Variants in DZIP1 observed in about 807,000 individuals in gnomAD.
DZIP1 encodes the protein DAZ interacting zinc finger protein 1, also known as cilium assembly protein DZIP1.
In DZIP1, 97 loss-of-function variants were observed where a neutral mutation model predicts 107.6. That is an observed-to-expected ratio of 0.90 (90% confidence interval 0.77 to 1.07). DZIP1 has a LOEUF of 1.07. Among genes scored for constraint, DZIP1 ranks in the 50% least tolerant of loss-of-function variants. DZIP1 has a pLI of 0.00. For missense variants in DZIP1, 1,035 were observed against 1,063.6 expected (o/e 0.97, Z 0.37); for synonymous variants, 390 against 386.4 (o/e 1.01, Z -0.11).
intron 15 of DZIP1, among the ~76,000 whole-genome samples, chr13:95,596,440 G>T (rs1191786577): frequency 1.3e-5 from 2 of 152,270 alleles, no homozygotes; most frequent in South Asian, 4.1e-4. Context: ...TTCTGAGTTG[G>T]AAGGGAATTT....
intron 16 of DZIP1, among the ~76,000 whole-genome samples, chr13:95,590,790 G>A (rs1402501642): frequency 6.6e-6 from 1 of 152,226 alleles, no homozygotes; most frequent in Non-Finnish European, 1.5e-5. Flanking sequence ...TGAAGGACAG[G>A]TGGAGTCAAA....
chr13:95,634,312 G>A (rs1268769281), intron 5 of DZIP1, among the ~76,000 whole-genome samples: 1 of 152,202 alleles, frequency 6.6e-6, no homozygotes, highest in Non-Finnish European at 1.5e-5. Context: ...CCTCCTGCCT[G>A]TCACAGTCTC....
chr13:95,643,882 G>A (rs1886854), intron 1 of DZIP1, among the ~76,000 whole-genome samples, 184 bp from the exon 2 acceptor site: 8,968 of 152,300 alleles, frequency 0.059, 411 homozygotes, highest in East Asian at 0.18. Context: ...AAGGGCTTCA[G>A]AGCTGAACGT....
At chr13:95,640,842 G>C (rs1878400741) in intron 5 of DZIP1, among the ~76,000 whole-genome samples, 1 of 152,032 alleles carries the variant, frequency 6.6e-6, no homozygotes, top group Admixed American at 6.5e-5. Flanking sequence ...GGGGAATCTG[G>C]GTGAAGGGCG....
In DZIP1 at chr13:95,641,406, C is replaced by T; in HGVS notation, c.486G>A (p.Leu162=). Residue 162 remains leucine, a synonymous_variant, in exon 5 of 23, where the codon CTG becomes CTA. Transcript: ENST00000376829. This position sits in a 1 kb window ranked among gnomAD's most constrained non-coding sequence, Gnocchi z 4.3. ...SHCDGEQSKK[L]LTKQAGEIKT... is the part of the protein sequence containing the mutation. ...TGATCTCCCCCGCCTGCTTGGTGAG[C>T]AGCTTCTTGCTCTGCTCGCCGTCGC... is the stretch of plus-strand genomic sequence containing the variant. 1 of 1,614,122 alleles carries T rather than the reference C, an allele frequency of 6.2e-7. No individual in the cohort carries two copies. Among genetic ancestry groups the T allele is most frequent in the Non-Finnish European group, 8.5e-7 (1 of 1,179,994 alleles).
At chr13:95,622,735 C>T (rs1276950322) in intron 8 of DZIP1, among the ~76,000 whole-genome samples, 2 of 146,308 alleles carry the variant, frequency 1.4e-5, no homozygotes, top group African/African-American at 2.5e-5. Flanking sequence ...TAATCTTAAA[C>T]GAGTCTAATT....
At chr13:95,617,907 G>A (rs1035868053) in intron 10 of DZIP1, 8 of 518,092 alleles carry the variant, frequency 1.5e-5, no homozygotes, top group Admixed American at 5.8e-5. Flanking sequence ...GCCTGGACTC[G>A]GGGATTGAGA....
rs528225772 is a variant in DZIP1 at position 95,587,286 on chromosome 13, C to G, written c.2218+253G>C. The stretch of plus-strand genomic sequence containing the variant: ...ACTGTGAGGCAAGAAGGTTGTGTTC[C>G]TTAAGCCACCCAGTTTATGGTACTG... On this transcript the variant is annotated intron_variant, in intron 20 of 22. Coordinates refer to ENST00000376829, the MANE Select transcript of DZIP1 (RefSeq NM_198968.4). Among the ~76,000 whole-genome samples the G allele has an allele frequency of 3.0e-4, 45 of 152,296 alleles. 1 individual carries two copies. The South Asian group carries it at 9.3e-3, about 32-fold the overall frequency.
intron 15 of DZIP1, among the ~76,000 whole-genome samples, chr13:95,595,362 G>A (rs945418353): frequency 9.2e-6 from 1 of 108,416 alleles, no homozygotes; most frequent in East Asian, 2.2e-4. Flanking sequence ...TTACTTTTGT[G>A]TACATTAAAT....
In DZIP1 at chr13:95,641,406, C is replaced by A. The variant is rs755248642; in HGVS notation, c.486G>T (p.Leu162=). 6.2e-7 allele frequency: 1 copy of A among 1,614,122 alleles called. No individual in the cohort carries two copies. The highest frequency in any genetic ancestry group is 2.2e-5 in the East Asian group (1 of 44,870). ...TGATCTCCCCCGCCTGCTTGGTGAG[C>A]AGCTTCTTGCTCTGCTCGCCGTCGC... ...SHCDGEQSKK[L]LTKQAGEIKT... is the part of the protein sequence containing the mutation. The change falls in exon 5 of 23, where the codon CTG becomes CTT. Residue 162 remains leucine, a synonymous_variant. Transcript: ENST00000376829. The surrounding 1 kb of genome is among the most constrained non-coding windows in gnomAD (Gnocchi z 4.3).
chr13:95,639,960 T>G (rs1360325977), intron 5 of DZIP1, among the ~76,000 whole-genome samples: 12 of 151,782 alleles, frequency 7.9e-5, no homozygotes. Context: ...CTTCTAATAA[T>G]ATTCCTAATT....
chr13:95,635,426 A>G (rs1877685498), intron 5 of DZIP1, among the ~76,000 whole-genome samples: 1 of 152,014 alleles, frequency 6.6e-6, no homozygotes, highest in African/African-American at 2.4e-5. Context: ...CGAACTCTCA[A>G]CCTCAAATGA....
intron 14 of DZIP1, among the ~76,000 whole-genome samples, chr13:95,600,629 T>TAGATAGATAGACAGACAGACAGAC (rs147121754): frequency 2.0e-4 from 29 of 147,564 alleles, no homozygotes; most frequent in East Asian, 8.0e-4. Context: ...GATAGATAGA[T>TAGATAGATAGACAGACAGACAGAC]AGACAGACAG....
intron 7 of DZIP1, among the ~76,000 whole-genome samples, chr13:95,625,211 G>A (rs1247839843): frequency 6.6e-6 from 1 of 152,134 alleles, no homozygotes; most frequent in African/African-American, 2.4e-5. Flanking sequence ...TAAAAGTCAT[G>A]CCATAATATA....
chr13:95,631,351 C>G (rs1450599219), intron 6 of DZIP1, among the ~76,000 whole-genome samples: 1 of 151,942 alleles, frequency 6.6e-6, no homozygotes, highest in African/African-American at 2.4e-5. Context: ...CCCGTAGTCC[C>G]AGCTACTTGG....
At position 95,611,507 on chromosome 13, in the gene DZIP1, C is replaced by T. The variant is rs2045004465; in HGVS notation, c.1315-14G>A. 1 of 1,598,822 alleles carries T rather than the reference C, an allele frequency of 6.3e-7. No individual in the cohort carries two copies. The highest frequency in any genetic ancestry group is 1.7e-5 in the Admixed American group (1 of 59,876). On this transcript the variant is annotated splice_polypyrimidine_tract_variant and intron_variant, in intron 11 of 22. Coordinates refer to ENST00000376829, the MANE Select transcript of DZIP1 (RefSeq NM_198968.4). ...AAAGTCTTTAATCTGCAAAGAAATACAGTCTTCTAGTGATACATTTGAAAT... is the reference window on the plus strand; with the variant it reads ...AAAGTCTTTAATCTGCAAAGAAATATAGTCTTCTAGTGATACATTTGAAAT...
intron 14 of DZIP1, among the ~76,000 whole-genome samples, chr13:95,603,334 A>G (rs75799055): frequency 6.9e-6 from 1 of 145,886 alleles, no homozygotes; most frequent in Non-Finnish European, 1.5e-5. Context: ...AAAAAAAAAA[A>G]AGAGTTTCCA....
intron 16 of DZIP1, 91 bp from the exon 17 acceptor site, chr13:95,590,532 C>A: frequency 7.5e-7 from 1 of 1,330,236 alleles, no homozygotes; most frequent in Non-Finnish European, 1.0e-6. Context: ...ACATTTCAAT[C>A]CATCCTTACA....
intron 13 of DZIP1, among the ~76,000 whole-genome samples, chr13:95,608,848 C>T (rs935194257): frequency 2.0e-5 from 3 of 152,232 alleles, no homozygotes; most frequent in Non-Finnish European, 4.4e-5. Context: ...TCAGCCCATA[C>T]TCCTCTCACA....
Sources: allele counts gnomAD v4.1 joint callset (sites outside exome capture counted in the v4.1 genomes callset), GRCh38; gene constraint gnomAD v4.1.1; non-coding constraint Gnocchi (gnomAD v3.1); transcripts MANE v1.5; gene names NCBI Gene and HGNC (gene_info 2026-07-23, HGNC 2026-07-21).